PPM1L: variants seen among roughly 807,000 people sequenced by gnomAD.
PPM1L encodes protein phosphatase, Mg2+/Mn2+ dependent 1L, also known as protein phosphatase 1L.
A neutral mutation model predicts 31.4 loss-of-function variants in PPM1L; 13 were observed. The ratio of observed to expected loss-of-function variants is 0.41; its 90% CI spans 0.27 to 0.66. The LOEUF is 0.66. Among genes scored for constraint, PPM1L ranks in the 30% least tolerant of loss-of-function variants. The pLI is 0.29. For synonymous variants in PPM1L, 184 were observed against 175.4 expected (o/e 1.05, Z -0.39); for missense variants, 326 against 453.7 (o/e 0.72, Z 2.56).
At chr3:160,942,150 A>ATTAT (rs1254185805) in intron 1 of PPM1L, among the ~76,000 whole-genome samples, 2 of 152,238 alleles carry the variant, frequency 1.3e-5, no homozygotes, top group Non-Finnish European at 2.9e-5. Context: ...GAAGTTTAAG[A>ATTAT]TTATTACTGC....
intron 2 of PPM1L, among the ~76,000 whole-genome samples, chr3:160,980,718 G>A (rs73158233): frequency 0.039 from 1,275 of 32,994 alleles, 10 homozygotes; most frequent in Middle Eastern, 0.071. Context: ...AAAAAAAAGA[G>A]AGAGAGAGAG....
At chr3:160,882,629 C>T (rs914708557) in intron 1 of PPM1L, among the ~76,000 whole-genome samples, 2 of 152,170 alleles carry the variant, frequency 1.3e-5, no homozygotes, top group African/African-American at 4.8e-5. Flanking sequence ...AATAAGTTCA[C>T]ATTTACAGAT....
At chr3:160,916,157 T>G (rs1209236272) in intron 1 of PPM1L, among the ~76,000 whole-genome samples, 1 of 151,970 alleles carries the variant, frequency 6.6e-6, no homozygotes, top group African/African-American at 2.4e-5. Flanking sequence ...TGCAACCTAC[T>G]CATCTGACAA....
At chr3:160,792,224 A>G (rs1712128051) in intron 1 of PPM1L, among the ~76,000 whole-genome samples, 1 of 152,182 alleles carries the variant, frequency 6.6e-6, no homozygotes, top group Non-Finnish European at 1.5e-5. Context: ...GATTAAAGTA[A>G]TATGCTCTTA....
At chr3:161,066,259 A>G (rs893824608) in intron 3 of PPM1L, among the ~76,000 whole-genome samples, 10 of 152,240 alleles carry the variant, frequency 6.6e-5, no homozygotes, top group African/African-American at 2.4e-4. Context: ...TTATTCATTC[A>G]TTCATTGGTT....
chr3:160,801,085 T>G (rs905942134), intron 1 of PPM1L, among the ~76,000 whole-genome samples: 1 of 152,004 alleles, frequency 6.6e-6, no homozygotes, highest in Non-Finnish European at 1.5e-5. Context: ...AATAGGTCTA[T>G]TTTTCAACAG....
chr3:161,070,384 C>G lies in PPM1L; in HGVS notation c.*1227C>G, dbSNP rs894589541. ...TCCATCCACATCAGGGAGCTTTCCC[C>G]AGGCAAATACAAACCGCCCCGTGGC... On this transcript the variant is annotated 3_prime_UTR_variant, in exon 4 of 4. Coordinates refer to ENST00000498165, the MANE Select transcript of PPM1L (RefSeq NM_139245.4). 1 of 152,154 alleles carries G rather than the reference C, an allele frequency of 6.6e-6. No individual in the cohort carries two copies. The highest frequency in any genetic ancestry group is 2.4e-5 in the African/African-American group (1 of 41,432). 9.4% of individuals were successfully genotyped at this position (152,154 alleles called of 1,614,324 possible).
intron 1 of PPM1L, among the ~76,000 whole-genome samples, chr3:160,955,775 C>T (rs927662938): frequency 1.8e-4 from 28 of 151,802 alleles, no homozygotes; most frequent in Non-Finnish European, 3.4e-4. Context: ...CTCAGCCTCC[C>T]GAGTAGCTGG....
chr3:161,040,406 A>T (rs1308588210), intron 2 of PPM1L, among the ~76,000 whole-genome samples: 2 of 152,188 alleles, frequency 1.3e-5, no homozygotes, highest in African/African-American at 4.8e-5. Context: ...ATGTGTACTT[A>T]ATTTAAGATC....
intron 1 of PPM1L, among the ~76,000 whole-genome samples, chr3:160,786,207 A>ATTT (rs35386910): frequency 3.9e-4 from 12 of 30,882 alleles, no homozygotes; most frequent in Admixed American, 6.2e-4. Context: ...ATATATATAT[A>ATTT]TTTTTTTTTT....
At chr3:160,823,399 G>C (rs1713264915) in intron 1 of PPM1L, among the ~76,000 whole-genome samples, 2 of 147,330 alleles carry the variant, frequency 1.4e-5, no homozygotes, top group Admixed American at 1.4e-4. Flanking sequence ...TTTTAGTAGA[G>C]ATCGGGTTTC....
chr3:160,980,505 C>T (rs1716757535), intron 2 of PPM1L, among the ~76,000 whole-genome samples: 1 of 151,472 alleles, frequency 6.6e-6, no homozygotes, highest in Non-Finnish European at 1.5e-5. Flanking sequence ...GGCAAAACCC[C>T]GTCTCTACAA....
At chr3:161,052,976 C>A (rs972082530) in intron 2 of PPM1L, among the ~76,000 whole-genome samples, 2 of 152,232 alleles carry the variant, frequency 1.3e-5, no homozygotes, top group Admixed American at 1.3e-4. Flanking sequence ...CTGTTATACC[C>A]CACTCCCATA....
chr3:160,923,396 A>G lies in PPM1L; in HGVS notation c.400-38340A>G, dbSNP rs181014775. 3.3e-3 allele frequency among the ~76,000 whole-genome samples: 498 copies of G among 152,244 alleles called. 1 individual carries two copies. The highest frequency in any genetic ancestry group is 0.01 in the Middle Eastern group (3 of 294). On this transcript the variant is annotated intron_variant, in intron 1 of 3. Coordinates refer to ENST00000498165, the MANE Select transcript of PPM1L (RefSeq NM_139245.4). ...TTCTGAAGAGCTTCATAAAAACCAT[A>G]TGTGTTATTTCCTGATTCTTAAGAA...
At chr3:160,985,839 C>T (rs925343133) in intron 2 of PPM1L, among the ~76,000 whole-genome samples, 1 of 151,770 alleles carries the variant, frequency 6.6e-6, no homozygotes, top group Non-Finnish European at 1.5e-5. Context: ...TTTCCTCTCA[C>T]CAAAAATTAA....
chr3:160,820,845 A>G (rs780304443), intron 1 of PPM1L, among the ~76,000 whole-genome samples: 10 of 152,048 alleles, frequency 6.6e-5, no homozygotes, highest in Non-Finnish European at 1.5e-4. Context: ...CAATGTTCCT[A>G]TGAATGTTTC....
chr3:160,997,576 A>G lies in PPM1L; in HGVS notation c.574+35666A>G, dbSNP rs989108804. Among the ~76,000 whole-genome samples, 7 of 152,188 alleles carry G rather than the reference A, an allele frequency of 4.6e-5. No homozygotes were observed. In the East Asian group the frequency reaches 1.2e-3, roughly 25 times the overall value. Reference sequence around the variant, plus strand: ...GTCATAAGAAATTTTGGCAGTTCCAAGAAGTCACATTGTCAGATGTCAAAT... The same window carrying G: ...GTCATAAGAAATTTTGGCAGTTCCAGGAAGTCACATTGTCAGATGTCAAAT... On this transcript the variant is annotated intron_variant, in intron 2 of 3. Transcript: ENST00000498165.
intron 2 of PPM1L, among the ~76,000 whole-genome samples, chr3:160,973,549 T>A (rs1716426172): frequency 6.6e-6 from 1 of 152,184 alleles, no homozygotes; most frequent in Non-Finnish European, 1.5e-5. Flanking sequence ...AAATAGTTTT[T>A]AAAGTGCCAG....
At chr3:160,882,472 GT>G (rs1712756724) in intron 1 of PPM1L, among the ~76,000 whole-genome samples, 1 of 152,126 alleles carries the variant, frequency 6.6e-6, no homozygotes, top group African/African-American at 2.4e-5. Flanking sequence ...AGTTTGATTA[GT>G]TTTTGAGTAG....
Sources: gnomAD v4.1 joint callset for allele counts (sites outside exome capture counted in the v4.1 genomes callset) on GRCh38, gnomAD v4.1.1 for gene constraint, MANE v1.5 for transcripts, NCBI Gene and HGNC (gene_info 2026-07-23, HGNC 2026-07-21) for gene names.